Variants in ST18 observed in about 807,000 individuals in gnomAD.
ST18 encodes the protein suppression of tumorigenicity 18 protein.
ST18 carries 50 observed loss-of-function variants against 110.0 expected under a neutral mutation model. The ratio of observed to expected loss-of-function variants is 0.45; its 90% CI spans 0.36 to 0.58. ST18 has a LOEUF of 0.58. ST18 is among the 20% of genes least tolerant of loss of function. ST18 has a pLI of 0.00. For synonymous variants in ST18, 461 were observed against 452.4 expected, an observed-to-expected ratio of 1.02 and a Z score of -0.24; for missense variants, 1,306 against 1,280.1, an observed-to-expected ratio of 1.02 and a Z score of -0.31.
chr8:52,213,567 A>C (rs988115601), intron 7 of ST18, among the ~76,000 whole-genome samples: 1 of 152,190 alleles, frequency 6.6e-6, no homozygotes, highest in Admixed American at 6.5e-5. Context: ...AATTATAATA[A>C]AATTTATTTT....
rs772756018 is a variant in ST18 at position 52,132,127 on chromosome 8, A to T, written c.2497T>A (p.Ser833Thr). 1 of 1,614,032 alleles carries T rather than the reference A, an allele frequency of 6.2e-7. No homozygotes were observed. Among genetic ancestry groups the T allele is most frequent in the South Asian group, 1.1e-5 (1 of 91,078 alleles). Residue 833 changes from serine (S) to threonine (T), a missense_variant, in exon 22 of 26, where the codon TCA becomes ACA. Transcript: ENST00000689386. Reference sequence around the variant, plus strand: ...GGACAGCCAGAAGCTGTGCGGTGTGATGTGTATTTACCTGATATGTGACCT... The same window carrying T: ...GGACAGCCAGAAGCTGTGCGGTGTGTTGTGTATTTACCTGATATGTGACCT... Reference protein sequence around the residue: ...GQGHISGKYTSHRTASGCPLA... With the variant: ...GQGHISGKYTTHRTASGCPLA...
chr8:52,149,596 T>C (rs2058266434), intron 16 of ST18, 136 bp downstream of exon 16: 3 of 1,269,710 alleles, frequency 2.4e-6, no homozygotes, highest in Non-Finnish European at 3.1e-6. Flanking sequence ...ATCACCACTT[T>C]ATCAAAATCT....
chr8:52,113,060 A>G lies in ST18; in HGVS notation c.*138T>C. On this transcript the variant is annotated 3_prime_UTR_variant, in exon 26 of 26. Transcript: ENST00000689386. ...TCTTTCCTTTTTATATCAGCTGGGG[A>G]AAATAAAATTAGTGCAATGTTGCAA... The G allele has an allele frequency of 2.1e-6, 2 of 953,712 alleles. No individual in the cohort carries two copies. Among genetic ancestry groups the G allele is most frequent in the Non-Finnish European group, 2.9e-6 (2 of 699,562 alleles). The allele number at this position is 953,712 out of a possible 1,614,324, so 59.1% of individuals were successfully genotyped here.
At chr8:52,261,987 A>G (rs576171872) in intron 2 of ST18, among the ~76,000 whole-genome samples, 1 of 152,286 alleles carries the variant, frequency 6.6e-6, no homozygotes, top group South Asian at 2.1e-4. Flanking sequence ...AACACCACAG[A>G]TTGGGTACAA....
At chr8:52,318,366 G>A (rs920145053) in intron 2 of ST18, among the ~76,000 whole-genome samples, 1 of 152,082 alleles carries the variant, frequency 6.6e-6, no homozygotes, top group African/African-American at 2.4e-5. Context: ...TTACACCAGT[G>A]AGAATGGCTG....
intron 3 of ST18, among the ~76,000 whole-genome samples, chr8:52,226,654 A>G (rs2089552309): frequency 3.3e-5 from 5 of 152,216 alleles, no homozygotes; most frequent in African/African-American, 1.2e-4. Context: ...TAACTATGGA[A>G]ACTGTTTTAT....
Position 52,136,798 on chromosome 8 carries a change from G to A in ST18, c.2232-140C>T, listed in dbSNP as rs768465766. ...AAAAAAATAACTGGCTTTGAATCTG[G>A]CTTTGCTCTTCTCGCCAGTCTGGGC... On this transcript the variant is annotated intron_variant, in intron 18 of 25. Transcript: ENST00000689386. The A allele has an allele frequency of 9.5e-6, 7 of 738,668 alleles. No individual in the cohort carries two copies. In the African/African-American group the frequency reaches 1.1e-4, roughly 11 times the overall value. The allele number at this position is 738,668 out of a possible 1,614,324, so 45.8% of individuals were successfully genotyped here. A position where few individuals can be genotyped will look rare whatever the true frequency, so the allele number is the denominator to read the frequency against.
chr8:52,128,367 A>T (rs62500978), intron 22 of ST18, among the ~76,000 whole-genome samples: 33,881 of 152,148 alleles, frequency 0.22, 4,748 homozygotes, highest in African/African-American at 0.4. Context: ...ATTATTACTA[A>T]GTTTCAATAA....
At chr8:52,268,170 C>T (rs2094935684) in intron 2 of ST18, among the ~76,000 whole-genome samples, 2 of 152,196 alleles carry the variant, frequency 1.3e-5, no homozygotes, top group Admixed American at 1.3e-4. Flanking sequence ...CCTTCTTTAT[C>T]TCCAGCAACT....
intron 2 of ST18, among the ~76,000 whole-genome samples, chr8:52,283,197 G>A (rs1169653659): frequency 6.6e-6 from 1 of 152,208 alleles, no homozygotes; most frequent in Non-Finnish European, 1.5e-5. Flanking sequence ...GGGCTTGACA[G>A]TGGATGGAAA....
intron 8 of ST18, among the ~76,000 whole-genome samples, chr8:52,185,067 G>A (rs2071485722): frequency 1.3e-5 from 2 of 151,946 alleles, no homozygotes; most frequent in Admixed American, 6.6e-5. Flanking sequence ...AAAATCCAAA[G>A]GAATCTACAG....
chr8:52,179,246 A>G (rs7837165), intron 9 of ST18, among the ~76,000 whole-genome samples: 28,786 of 152,108 alleles, frequency 0.19, 6,434 homozygotes, highest in African/African-American at 0.54. Context: ...AGTGATATTC[A>G]AACTCCTAGA....
intron 2 of ST18, among the ~76,000 whole-genome samples, chr8:52,350,307 A>G (rs1220426549): frequency 6.6e-6 from 1 of 152,054 alleles, no homozygotes; most frequent in African/African-American, 2.4e-5. Flanking sequence ...AGCACTAGAG[A>G]CTGTTTCCCA....
At chr8:52,131,916 C>G in intron 22 of ST18, 42 bp downstream of exon 22, 1 of 1,598,352 alleles carries the variant, frequency 6.3e-7, no homozygotes, top group Non-Finnish European at 8.5e-7. Context: ...AGGCGACAAC[C>G]GATCACAACA....
At chr8:52,283,163 A>G (rs776980024) in intron 2 of ST18, among the ~76,000 whole-genome samples, 1 of 152,194 alleles carries the variant, frequency 6.6e-6, no homozygotes, top group Non-Finnish European at 1.5e-5. Context: ...GAAAGAGAGA[A>G]GTCAAAGATG....
intron 15 of ST18, among the ~76,000 whole-genome samples, chr8:52,155,193 C>T (rs1228260773): frequency 7.0e-6 from 1 of 142,702 alleles, no homozygotes; most frequent in Non-Finnish European, 1.5e-5. Context: ...CAGAGTGAGA[C>T]TCTGTCTCAA....
chr8:52,297,247 C>G (rs1005749996), intron 2 of ST18, among the ~76,000 whole-genome samples: 1 of 152,162 alleles, frequency 6.6e-6, no homozygotes, highest in African/African-American at 2.4e-5. Flanking sequence ...TGTCATTGTA[C>G]GTGAAGTGTG....
At chr8:52,343,513 T>C (rs1316100351) in intron 2 of ST18, among the ~76,000 whole-genome samples, 14 of 152,174 alleles carry the variant, frequency 9.2e-5, no homozygotes, top group South Asian at 6.2e-4. Flanking sequence ...TTTATAAAAG[T>C]TCCATTAGTC....
At chr8:52,171,569 C>A in intron 10 of ST18, 1 of 648,662 alleles carries the variant, frequency 1.5e-6, no homozygotes. Context: ...TTCAATGAAC[C>A]TTTTTTCATG....
Sources: gnomAD v4.1 joint callset for allele counts (sites outside exome capture counted in the v4.1 genomes callset) on GRCh38, gnomAD v4.1.1 for gene constraint, MANE v1.5 for transcripts, NCBI Gene and HGNC (gene_info 2026-07-23, HGNC 2026-07-21) for gene names.